Variants in PRKDC observed in about 807,000 individuals in gnomAD.
PRKDC encodes DNA-dependent protein kinase catalytic subunit.
A neutral mutation model predicts 486.9 loss-of-function variants in PRKDC; 82 were observed. That is an observed-to-expected ratio of 0.17 (90% confidence interval 0.14 to 0.20). The LOEUF is 0.20. Ranked by LOEUF, PRKDC falls within the 10% of genes least tolerant of loss-of-function variation. The pLI is 1.00. For missense variants in PRKDC, 4,504 were observed against 5,038.2 expected, an observed-to-expected ratio of 0.89 and a Z score of 3.21; for synonymous variants, 1,895 against 1,837.0, an observed-to-expected ratio of 1.03 and a Z score of -0.81.
At chr8:47,896,825 A>C (rs2089591632) in intron 30 of PRKDC, among the ~76,000 whole-genome samples, 1 of 152,176 alleles carries the variant, frequency 6.6e-6, no homozygotes, top group Non-Finnish European at 1.5e-5. Context: ...CTAGGTTTGG[A>C]CTTAATGGAC....
chr8:47,796,425 CATT>C (rs1420744297), intron 73 of PRKDC, among the ~76,000 whole-genome samples: 2 of 152,064 alleles, frequency 1.3e-5, no homozygotes, highest in African/African-American at 4.8e-5. Context: ...TTTCAACTTA[CATT>C]ATTAGTGAGG....
intron 50 of PRKDC, 110 bp downstream of exon 50, chr8:47,855,112 T>C (rs1326810605): frequency 8.8e-7 from 1 of 1,131,804 alleles, no homozygotes; most frequent in Admixed American, 3.0e-5. Flanking sequence ...ATAAATTATT[T>C]TCTTCCTCCT....
At chr8:47,864,986 A>G (rs2088774329) in intron 40 of PRKDC, among the ~76,000 whole-genome samples, 1 of 152,240 alleles carries the variant, frequency 6.6e-6, no homozygotes, top group African/African-American at 2.4e-5. Context: ...ATGGGCATTA[A>G]AAAGAAGAAT....
chr8:47,799,614 C>T (rs757727206), intron 71 of PRKDC, among the ~76,000 whole-genome samples: 2 of 152,288 alleles, frequency 1.3e-5, no homozygotes, highest in African/African-American at 2.4e-5. Context: ...GCAAGCCCAG[C>T]GCGGGCCAGA....
At position 47,953,731 on chromosome 8, in the gene PRKDC, G is replaced by A. The variant is rs1318622399; in HGVS notation, c.622-12C>T. On this transcript the variant is annotated splice_polypyrimidine_tract_variant and intron_variant, in intron 6 of 85. Coordinates refer to ENST00000314191, the MANE Select transcript of PRKDC (RefSeq NM_006904.7). ...ACTGCTGATGTCATCTAAAAGAAAAGATTTAAGAAGATGTCATTACAAGAG... is the reference window on the plus strand; with the variant it reads ...ACTGCTGATGTCATCTAAAAGAAAAAATTTAAGAAGATGTCATTACAAGAG... 1 of 1,602,210 alleles carries A rather than the reference G, an allele frequency of 6.2e-7. No individual in the cohort carries two copies. Among genetic ancestry groups the A allele is most frequent in the Non-Finnish European group, 8.5e-7 (1 of 1,173,522 alleles).
intron 73 of PRKDC, among the ~76,000 whole-genome samples, chr8:47,797,595 G>A (rs145419310): frequency 4.6e-5 from 7 of 152,230 alleles, no homozygotes; most frequent in East Asian, 3.9e-4. Context: ...CCAGTTACAC[G>A]TCTATAAATG....
intron 44 of PRKDC, among the ~76,000 whole-genome samples, chr8:47,861,837 G>C (rs1046838874): frequency 1.3e-5 from 2 of 152,320 alleles, no homozygotes; most frequent in East Asian, 3.9e-4. Flanking sequence ...TACTGGCACC[G>C]TCTTTCCTAC....
intron 21 of PRKDC, among the ~76,000 whole-genome samples, chr8:47,919,714 T>G (rs2090042979): frequency 6.6e-6 from 1 of 150,424 alleles, no homozygotes; most frequent in African/African-American, 2.5e-5. Context: ...GAGAATCCAG[T>G]TTTTAGTGGT....
At chr8:47,814,555 T>C (rs894696978) in intron 68 of PRKDC, among the ~76,000 whole-genome samples, 2 of 152,186 alleles carry the variant, frequency 1.3e-5, no homozygotes, top group East Asian at 1.9e-4. Context: ...TGGAAAATAA[T>C]ACAATTTTAA....
At position 47,954,373 on chromosome 8, in the gene PRKDC, C is replaced by T; in HGVS notation, c.473G>A (p.Gly158Glu). The T allele has an allele frequency of 7.3e-7, 1 of 1,360,838 alleles. No individual in the cohort carries two copies. Among genetic ancestry groups the T allele is most frequent in the Non-Finnish European group, 1.0e-6 (1 of 1,002,624 alleles). The allele number at this position is 1,360,838 out of a possible 1,614,324, so 84.3% of individuals were successfully genotyped here. Residue 158 changes from glycine to glutamate, a missense_variant, in exon 5 of 86, where the codon GGA becomes GAA. This residue lies in a region of PRKDC where 1,969 missense variants were observed against 2,068.9 expected (regional missense o/e 0.95). Transcript: ENST00000314191. The stretch of plus-strand genomic sequence containing the variant: ...TATTTTTTTTTTCAATGCAAGTTCT[C>T]CATAGAATTTACTAAATAATTCTCC... ...KIGELFSKFY[G>E]ELALKKKIPD... is the part of the protein sequence containing the mutation.
chr8:47,786,974 G>A lies in PRKDC; in HGVS notation c.10903-1657C>T, dbSNP rs1340884767. On this transcript the variant is annotated intron_variant, in intron 76 of 85. Transcript: ENST00000314191. The stretch of plus-strand genomic sequence containing the variant: ...GAACTCCTGACCCAGTGATCCGCCC[G>A]CCTCGCGCTCCCAAAGTGCTGGGAT... Among the ~76,000 whole-genome samples the A allele has an allele frequency of 7.2e-5, 11 of 151,892 alleles. No individual in the cohort carries two copies. The East Asian group carries it at 1.7e-3, about 24-fold the overall frequency.
At chr8:47,785,064 TG>T in intron 77 of PRKDC, 48 bp downstream of exon 77, 1 of 1,546,130 alleles carries the variant, frequency 6.5e-7, no homozygotes, top group African/African-American at 1.4e-5. Flanking sequence ...CTTATTACAG[TG>T]CTGTGCTCCT....
intron 83 of PRKDC, among the ~76,000 whole-genome samples, 186 bp from the exon 84 acceptor site, chr8:47,778,060 AT>A (rs2086636168): frequency 6.6e-6 from 1 of 152,204 alleles, no homozygotes; most frequent in Admixed American, 6.5e-5. Flanking sequence ...GGCTTGAGTT[AT>A]CCCTCAATGC....
At chr8:47,822,575 G>C (rs1027851051) in intron 64 of PRKDC, among the ~76,000 whole-genome samples, 17 of 151,830 alleles carry the variant, frequency 1.1e-4, no homozygotes, top group Non-Finnish European at 4.4e-5. Context: ...CGGATCACAA[G>C]GTCAGGAGAT....
chr8:47,783,561 G>A (rs2086736128), intron 78 of PRKDC, among the ~76,000 whole-genome samples, 181 bp downstream of exon 78: 1 of 151,894 alleles, frequency 6.6e-6, no homozygotes, highest in African/African-American at 2.4e-5. Flanking sequence ...TTGCACTCCA[G>A]CCCAGGCAAC....
intron 76 of PRKDC, among the ~76,000 whole-genome samples, chr8:47,788,575 C>A (rs2086831830): frequency 6.6e-6 from 1 of 152,204 alleles, no homozygotes; most frequent in Non-Finnish European, 1.5e-5. Flanking sequence ...TTATTTAACA[C>A]ACAAATATTT....
Position 47,836,538 on chromosome 8 carries a change from G to GAA in PRKDC, c.7762-13_7762-12dup, listed in dbSNP as rs1563759855. 6.4e-7 allele frequency: 1 copy of GAA among 1,569,460 alleles called. No homozygotes were observed. Among genetic ancestry groups the GAA allele is most frequent in the Admixed American group, 1.9e-5 (1 of 53,510 alleles). On this transcript the variant is annotated splice_polypyrimidine_tract_variant and intron_variant, in intron 57 of 85. Transcript: ENST00000314191. ...ATCAATGGTATATTCCTGTACATAA[G>GAA]AAAGTTTCAAATGAAATAAAGTTTC...
intron 68 of PRKDC, among the ~76,000 whole-genome samples, chr8:47,814,331 G>A (rs542664444): frequency 1.8e-4 from 27 of 152,204 alleles, no homozygotes; most frequent in South Asian, 6.2e-4. Context: ...ATTTTAGCAC[G>A]TATATTCAAG....
rs2089922649 is a variant in PRKDC at position 47,912,555 on chromosome 8, G to T, written c.2789C>A (p.Ala930Asp). 1 of 1,609,344 alleles carries T rather than the reference G, an allele frequency of 6.2e-7. No individual in the cohort carries two copies. The highest frequency in any genetic ancestry group is 8.5e-7 in the Non-Finnish European group (1 of 1,177,312). Reference protein sequence around the residue: ...TASDRQTKVAACELLHSMVMF... With the variant: ...TASDRQTKVADCELLHSMVMF... ...AACCATGCTATGTAAAAGTTCACAG[G>T]CTGCAACCTAAAACAGACCAGGAGG... The change falls in exon 25 of 86, where the codon GCC (alanine) becomes GAC (aspartate). Residue 930 changes from alanine to aspartate, a missense_variant. Transcript: ENST00000314191.
Sources: gnomAD v4.1 joint callset for allele counts (sites outside exome capture counted in the v4.1 genomes callset) on GRCh38, gnomAD v4.1.1 for gene constraint, gnomAD v4.1.1 regional missense constraint, MANE v1.5 for transcripts, NCBI Gene and HGNC (gene_info 2026-07-23, HGNC 2026-07-21) for gene names.